OLFM4: variants seen among roughly 807,000 people sequenced by gnomAD.
OLFM4 encodes olfactomedin-4.
Under a neutral mutation model 25.5 loss-of-function variants are expected in OLFM4, and 22 were observed. That is an observed-to-expected ratio of 0.86 (90% CI 0.62 to 1.23). OLFM4 has a LOEUF of 1.23. OLFM4 is among the 50% of genes most tolerant of loss of function. OLFM4 has a pLI of 0.00. For missense variants in OLFM4, 594 were observed against 619.4 expected (o/e 0.96, Z 0.44); for synonymous variants, 255 against 237.7 (o/e 1.07, Z -0.67).
At chr13:53,039,136 C>T (rs1954674627) in intron 2 of OLFM4, among the ~76,000 whole-genome samples, 1 of 152,168 alleles carries the variant, frequency 6.6e-6, no homozygotes, top group Admixed American at 6.5e-5. Flanking sequence ...ACAGTTGAAT[C>T]ACTCATTTTT....
At chr13:53,033,830 G>A (rs899368703) in intron 1 of OLFM4, among the ~76,000 whole-genome samples, 4 of 152,102 alleles carry the variant, frequency 2.6e-5, no homozygotes, top group Non-Finnish European at 5.9e-5. Context: ...GGAGGCCGAG[G>A]TGGGTGGATC....
chr13:53,041,578 G>A (rs553521116), intron 2 of OLFM4, among the ~76,000 whole-genome samples: 1 of 152,160 alleles, frequency 6.6e-6, no homozygotes, highest in South Asian at 2.1e-4. Context: ...CATGACATGA[G>A]TTTACCTATA....
Position 53,028,973 on chromosome 13 carries a change from T to TCAGCTC in OLFM4, c.147_152dup (p.Ser49_Ser50dup), listed in dbSNP as rs1954613509. 1 of 1,614,016 alleles carries TCAGCTC rather than the reference T, an allele frequency of 6.2e-7. No homozygotes were observed. The highest frequency in any genetic ancestry group is 8.5e-7 in the Non-Finnish European group (1 of 1,179,888). ...CCAGGTGTTGACTCCAGCTCCAGCT[T>TCAGCTC]CAGCTCCAGCTCCAGGTCGGGCTCC... On this transcript the variant is annotated inframe_insertion, in exon 1 of 5. Transcript: ENST00000219022.
chr13:53,050,742 G>T lies in OLFM4; in HGVS notation c.1504G>T (p.Asp502Tyr), dbSNP rs749033766. ...VYNDGYLLNY[D>Y]LSVLQKPQ The stretch of plus-strand genomic sequence containing the variant: ...TAACGATGGTTACCTTCTGAATTAT[G>T]ATCTTTCTGTCTTGCAGAAGCCCCA... Residue 502 changes from aspartate to tyrosine, a missense_variant, in exon 5 of 5, where the codon GAT becomes TAT. Physicochemically the swap from Asp to Tyr is radical, Grantham distance 160. Coordinates refer to ENST00000219022, the MANE Select transcript of OLFM4 (RefSeq NM_006418.5). 2.2e-5 allele frequency: 35 copies of T among 1,603,260 alleles called. No individual in the cohort carries two copies. Among genetic ancestry groups the T allele is most frequent in the Non-Finnish European group, 3.0e-5 (35 of 1,175,748 alleles).
chr13:53,028,944 T>C lies in OLFM4; in HGVS notation c.108T>C (p.Ser36=). Residue 36 remains serine, a synonymous_variant, in exon 1 of 5, where the codon TCT becomes TCC. Coordinates refer to ENST00000219022, the MANE Select transcript of OLFM4 (RefSeq NM_006418.5). The part of the protein sequence containing the change: ...GPPIPSPGFS[S]FPGVDSSSSF... ...CAATTCCCAGCCCCGGCTTCAGCTC[T>C]TTCCCAGGTGTTGACTCCAGCTCCA... 1.9e-6 allele frequency: 3 copies of C among 1,614,232 alleles called. No individual in the cohort carries two copies. Among genetic ancestry groups the C allele is most frequent in the Non-Finnish European group, 2.5e-6 (3 of 1,180,044 alleles).
chr13:53,045,815 A>G (rs1032000160), intron 4 of OLFM4, among the ~76,000 whole-genome samples: 2 of 152,202 alleles, frequency 1.3e-5, no homozygotes, highest in African/African-American at 4.8e-5. Flanking sequence ...GCCTCATTTC[A>G]TAGAACTTTC....
At chr13:53,048,388 T>A (rs1185909496) in intron 4 of OLFM4, among the ~76,000 whole-genome samples, 1 of 152,206 alleles carries the variant, frequency 6.6e-6, no homozygotes, top group Non-Finnish European at 1.5e-5. Context: ...CTACCTGTTG[T>A]ATGGTTGGCT....
chr13:53,043,119 T>C lies in OLFM4; in HGVS notation c.585T>C (p.Thr195=). ...DQLEVEIRNM[T]LLVEKLETLD... is the part of the protein sequence containing the mutation. ...TATTTCCTTAGATAAGAAATATGAC[T>C]CTCTTGGTAGAGAAGCTTGAGACAC... The change falls in exon 4 of 5, where the codon ACT becomes ACC. Residue 195 remains threonine, a synonymous_variant. Coordinates refer to ENST00000219022, the MANE Select transcript of OLFM4 (RefSeq NM_006418.5). 6.3e-7 allele frequency: 1 copy of C among 1,597,074 alleles called. No homozygotes were observed. The highest frequency in any genetic ancestry group is 8.5e-7 in the Non-Finnish European group (1 of 1,175,016).
At position 53,042,027 on chromosome 13, in the gene OLFM4, A is replaced by G; in HGVS notation, c.475A>G (p.Ile159Val). 6.2e-7 allele frequency: 1 copy of G among 1,614,110 alleles called. No homozygotes were observed. The highest frequency in any genetic ancestry group is 8.5e-7 in the Non-Finnish European group (1 of 1,179,968). Residue 159 changes from isoleucine (I) to valine (V), a missense_variant, in exon 3 of 5, where the codon ATC becomes GTC. Coordinates refer to ENST00000219022, the MANE Select transcript of OLFM4 (RefSeq NM_006418.5). ...TTACACTGAACTGGACTTCGAGCTG[A>G]TCAAGGTAGAAGTGAAGGAGATGGA... The part of the protein sequence containing the change: ...ISYTELDFEL[I>V]KVEVKEMEKL...
intron 2 of OLFM4, among the ~76,000 whole-genome samples, chr13:53,040,966 TA>T (rs1334932372): frequency 2.6e-5 from 4 of 151,954 alleles, no homozygotes; most frequent in Admixed American, 6.6e-5. Context: ...CATTAAAAAG[TA>T]AAAAAATAAC....
chr13:53,035,223 A>C (rs1954652117), intron 2 of OLFM4, among the ~76,000 whole-genome samples: 1 of 137,774 alleles, frequency 7.3e-6, no homozygotes, highest in Non-Finnish European at 1.6e-5. Context: ...TCTCCCCCTC[A>C]CTCTCTTTTT....
rs776964297 is a variant in OLFM4 at position 53,050,238 on chromosome 13, TACA to T, written c.1010_1012del (p.Asn337del). Reference sequence around the variant, plus strand: ...TGGCCAAGGTAGTGGTACAGCAGTTTACAACAACAACATGTACGTCAACATGTA... The same window carrying T: ...TGGCCAAGGTAGTGGTACAGCAGTTTACAACAACATGTACGTCAACATGTA... On this transcript the variant is annotated inframe_deletion, in exon 5 of 5. Coordinates refer to ENST00000219022, the MANE Select transcript of OLFM4 (RefSeq NM_006418.5). The T allele has an allele frequency of 1.3e-5, 21 of 1,614,084 alleles. No individual in the cohort carries two copies. Among genetic ancestry groups the T allele is most frequent in the South Asian group, 6.6e-5 (6 of 91,072 alleles).
At chr13:53,029,163 T>C in intron 1 of OLFM4, 123 bp downstream of exon 1, 1 of 1,409,582 alleles carries the variant, frequency 7.1e-7, no homozygotes, top group South Asian at 1.4e-5. Flanking sequence ...ACTCATTTTG[T>C]TAACTATAGG....
intron 2 of OLFM4, among the ~76,000 whole-genome samples, chr13:53,041,701 T>C (rs1954687578): frequency 6.6e-6 from 1 of 152,220 alleles, no homozygotes; most frequent in African/African-American, 2.4e-5. Context: ...TAGCAAAGTA[T>C]AAAATCTACC....
chr13:53,031,830 C>T (rs971923590), intron 1 of OLFM4, among the ~76,000 whole-genome samples: 8 of 152,188 alleles, frequency 5.3e-5, no homozygotes, highest in African/African-American at 1.7e-4. Flanking sequence ...GTCCTATTTG[C>T]CCTACAGAAG....
Position 53,041,899 on chromosome 13 carries a change from T to C in OLFM4, c.358-11T>C. 1 of 1,608,464 alleles carries C rather than the reference T, an allele frequency of 6.2e-7. No homozygotes were observed. Among genetic ancestry groups the C allele is most frequent in the Non-Finnish European group, 8.5e-7 (1 of 1,175,040 alleles). On this transcript the variant is annotated splice_polypyrimidine_tract_variant and intron_variant, in intron 2 of 4. Coordinates refer to ENST00000219022, the MANE Select transcript of OLFM4 (RefSeq NM_006418.5). Reference sequence around the variant, plus strand: ...CAGGGAATTGGCTTGAACCTTTTGATTTTCTTTCAGGTGAGGGAATATGTC... The same window carrying C: ...CAGGGAATTGGCTTGAACCTTTTGACTTTCTTTCAGGTGAGGGAATATGTC...
At position 53,028,989 on chromosome 13, in the gene OLFM4, G is replaced by A; in HGVS notation, c.153G>A (p.Arg51=). Residue 51 remains arginine (R), a synonymous_variant, in exon 1 of 5, where the codon AGG becomes AGA. Transcript: ENST00000219022. ...GCTCCAGCTTCAGCTCCAGCTCCAG[G>A]TCGGGCTCCAGCTCCAGCCGCAGCT... The part of the protein sequence containing the change: ...DSSSSFSSSS[R]SGSSSSRSLG... The A allele has an allele frequency of 6.2e-7, 1 of 1,614,112 alleles. No individual in the cohort carries two copies. The highest frequency in any genetic ancestry group is 8.5e-7 in the Non-Finnish European group (1 of 1,180,016).
At chr13:53,044,960 T>C (rs918863944) in intron 4 of OLFM4, among the ~76,000 whole-genome samples, 1 of 152,128 alleles carries the variant, frequency 6.6e-6, no homozygotes, top group Non-Finnish European at 1.5e-5. Flanking sequence ...TGAGGACATT[T>C]TAGATGAAGG....
chr13:53,050,135 G>C lies in OLFM4; in HGVS notation c.897G>C (p.Leu299=). Residue 299 remains leucine, a synonymous_variant, in exon 5 of 5, where the codon CTG becomes CTC. Transcript: ENST00000219022. ...CGCCATTGAATACAGATGGGAGACT[G>C]TTGGAGTATTATAGACTGTACAACA... The part of the protein sequence containing the change: ...WVAPLNTDGR[L]LEYYRLYNTL... 1 of 1,613,992 alleles carries C rather than the reference G, an allele frequency of 6.2e-7. No individual in the cohort carries two copies.
Sources: gnomAD v4.1 joint callset for allele counts (sites outside exome capture counted in the v4.1 genomes callset) on GRCh38, gnomAD v4.1.1 for gene constraint, MANE v1.5 for transcripts, NCBI Gene and HGNC (gene_info 2026-07-23, HGNC 2026-07-21) for gene names.